PDGFRL: variants seen among roughly 807,000 people sequenced by gnomAD.
PDGFRL encodes platelet-derived growth factor receptor-like protein.
A neutral mutation model predicts 37.2 loss-of-function variants in PDGFRL; 46 were observed. The observed-to-expected ratio is 1.24, with a 90% CI of 0.98 to 1.58. PDGFRL has a LOEUF of 1.58. Ranked by LOEUF, PDGFRL falls within the 40% of genes most tolerant of loss-of-function variation. The pLI, the probability that PDGFRL is intolerant of heterozygous loss-of-function variation, is 0.00. For missense variants in PDGFRL, 692 were observed against 467.6 expected (o/e 1.48, Z -4.43); for synonymous variants, 251 against 184.3 (o/e 1.36, Z -2.93).
At chr8:17,584,949 C>A (rs1055725302) in intron 1 of PDGFRL, among the ~76,000 whole-genome samples, 12 of 152,040 alleles carry the variant, frequency 7.9e-5, no homozygotes, top group African/African-American at 2.7e-4. Context: ...ACGGTTACTT[C>A]TTGATTATAT....
chr8:17,627,985 C>CTTTTTTTTTTTTTTTTT (rs1236164534), intron 3 of PDGFRL, among the ~76,000 whole-genome samples: 10 of 124,012 alleles, frequency 8.1e-5, no homozygotes, highest in African/African-American at 1.4e-4. Context: ...TGTTTTCTTT[C>CTTTTTTTTTTTTTTTTT]TTTCTTTTTT....
chr8:17,605,147 CAG>C (rs1804246191), intron 2 of PDGFRL, among the ~76,000 whole-genome samples: 1 of 151,714 alleles, frequency 6.6e-6, no homozygotes, highest in Non-Finnish European at 1.5e-5. Flanking sequence ...GAGAGAGAGA[CAG>C]GGAGAGGGAA....
intron 2 of PDGFRL, among the ~76,000 whole-genome samples, chr8:17,596,063 C>T (rs1039618163): frequency 2.0e-5 from 3 of 152,294 alleles, no homozygotes; most frequent in Admixed American, 2.0e-4. Flanking sequence ...TGGTATCACA[C>T]AGCTGGCAGC....
At chr8:17,589,420 C>CA (rs1803884078) in intron 1 of PDGFRL, 48 bp from the exon 2 acceptor site, 1 of 1,419,010 alleles carries the variant, frequency 7.0e-7, no homozygotes, top group Admixed American at 2.1e-5. Context: ...TCAAATATTC[C>CA]AAAAATGTCA....
chr8:17,595,033 G>A (rs193076081), intron 2 of PDGFRL, among the ~76,000 whole-genome samples: 1 of 151,780 alleles, frequency 6.6e-6, no homozygotes, highest in East Asian at 1.9e-4. Flanking sequence ...TGTACATCCT[G>A]ATGTTGATTT....
intron 2 of PDGFRL, among the ~76,000 whole-genome samples, chr8:17,602,680 A>G (rs192999547): frequency 6.6e-6 from 1 of 152,112 alleles, no homozygotes; most frequent in Admixed American, 6.5e-5. Context: ...GGCTATTTGG[A>G]AAGGAGAGCT....
At chr8:17,635,134 A>G (rs151216092) in intron 5 of PDGFRL, among the ~76,000 whole-genome samples, 1 of 152,128 alleles carries the variant, frequency 6.6e-6, no homozygotes, top group Admixed American at 6.5e-5. Flanking sequence ...TGTTTTTAAT[A>G]TATTTTGTCA....
chr8:17,577,329 G>T (rs1414788250), intron 1 of PDGFRL, 22 bp downstream of exon 1: 2 of 1,602,384 alleles, frequency 1.2e-6, no homozygotes. Flanking sequence ...TGGGCGCGGG[G>T]CCACCTAGCT....
At chr8:17,631,016 G>A (rs1329640385) in intron 4 of PDGFRL, among the ~76,000 whole-genome samples, 2 of 152,084 alleles carry the variant, frequency 1.3e-5, no homozygotes, top group Non-Finnish European at 2.9e-5. Context: ...ACATACAGTG[G>A]AGACACAGTC....
intron 2 of PDGFRL, among the ~76,000 whole-genome samples, chr8:17,591,694 T>G (rs28368805): frequency 0.098 from 14,971 of 152,090 alleles, 935 homozygotes; most frequent in East Asian, 0.22. Context: ...GGCGGGCGGA[T>G]CGTCATGAGG....
At chr8:17,614,778 C>G (rs1804490783) in intron 2 of PDGFRL, among the ~76,000 whole-genome samples, 1 of 152,110 alleles carries the variant, frequency 6.6e-6, no homozygotes, top group South Asian at 2.1e-4. Flanking sequence ...GGGGGTCTCT[C>G]TTTTTCCAAC....
intron 2 of PDGFRL, among the ~76,000 whole-genome samples, chr8:17,608,484 G>C (rs1002464808): frequency 1.3e-5 from 2 of 152,178 alleles, no homozygotes; most frequent in South Asian, 2.1e-4. Flanking sequence ...TATCACATCA[G>C]CTGGTAGGCA....
chr8:17,584,191 T>C (rs1803767270), intron 1 of PDGFRL, among the ~76,000 whole-genome samples: 1 of 152,094 alleles, frequency 6.6e-6, no homozygotes, highest in South Asian at 2.1e-4. Flanking sequence ...TTAAAACAAG[T>C]GCGACTTGGA....
chr8:17,596,683 G>A (rs1804059725), intron 2 of PDGFRL, among the ~76,000 whole-genome samples: 1 of 152,220 alleles, frequency 6.6e-6, no homozygotes, highest in Non-Finnish European at 1.5e-5. Flanking sequence ...TTTGAATAGT[G>A]TTCATTCGAA....
At chr8:17,631,907 C>G (rs920006436) in intron 4 of PDGFRL, among the ~76,000 whole-genome samples, 1 of 152,224 alleles carries the variant, frequency 6.6e-6, no homozygotes, top group African/African-American at 2.4e-5. Flanking sequence ...TGTCCCTGGG[C>G]CAGCTTCACA....
intron 1 of PDGFRL, among the ~76,000 whole-genome samples, chr8:17,579,463 A>C (rs985278482): frequency 6.6e-6 from 1 of 152,024 alleles, no homozygotes; most frequent in African/African-American, 2.4e-5. Flanking sequence ...CACAAATTAC[A>C]GACACAAGGT....
intron 2 of PDGFRL, among the ~76,000 whole-genome samples, chr8:17,599,433 C>T (rs1365301318): frequency 2.0e-5 from 3 of 152,208 alleles, no homozygotes; most frequent in Non-Finnish European, 4.4e-5. Context: ...GAATAATAGT[C>T]TCCAATTCTG....
At chr8:17,600,363 C>T (rs1234334382) in intron 2 of PDGFRL, among the ~76,000 whole-genome samples, 1 of 152,124 alleles carries the variant, frequency 6.6e-6, no homozygotes, top group African/African-American at 2.4e-5. Context: ...GCTCTGAATC[C>T]TCCACTCTTC....
Position 17,643,072 on chromosome 8 carries a change from TAATC to T in PDGFRL, c.*277_*280del, listed in dbSNP as rs900418125. 15 of 337,876 alleles carry T rather than the reference TAATC, an allele frequency of 4.4e-5. No individual in the cohort carries two copies. The highest frequency in any genetic ancestry group is 6.9e-5 in the Non-Finnish European group (13 of 188,866). The allele number at this position is 337,876 out of a possible 1,614,324, so 20.9% of individuals were successfully genotyped here. The stretch of plus-strand genomic sequence containing the variant: ...TTATACATGTGTAAACAATTTTATA[TAATC>T]AATCATTTCTATTAAATGAGCACGT... On this transcript the variant is annotated 3_prime_UTR_variant, in exon 6 of 6. Transcript: ENST00000251630.
Sources: gnomAD v4.1 joint callset for allele counts (sites outside exome capture counted in the v4.1 genomes callset) on GRCh38, gnomAD v4.1.1 for gene constraint, MANE v1.5 for transcripts, NCBI Gene and HGNC (gene_info 2026-07-23, HGNC 2026-07-21) for gene names.